HAVCR1: variants seen among roughly 807,000 people sequenced by gnomAD.
HAVCR1 encodes the protein hepatitis A virus cellular receptor 1, also known as T cell immunoglobin domain and mucin domain protein 1.
A neutral mutation model predicts 32.0 loss-of-function variants in HAVCR1; 34 were observed. That is an observed-to-expected ratio of 1.06 (90% CI 0.81 to 1.42). The LOEUF is 1.42. HAVCR1 is among the 40% of genes most tolerant of loss of function. HAVCR1 has a pLI of 0.00. For missense variants in HAVCR1, 420 were observed against 442.3 expected (o/e 0.95, Z 0.45); for synonymous variants, 178 against 170.3 (o/e 1.05, Z -0.35).
upstream of HAVCR1, among the ~76,000 whole-genome samples, chr5:157,060,191 T>A (rs375752865): frequency 7.2e-5 from 11 of 151,892 alleles, no homozygotes; most frequent in Non-Finnish European, 4.4e-5. Context: ...TTCCCCCACT[T>A]ATAACCCTCT....
chr5:157,068,644 T>A, the HAVCR1 span, among the ~76,000 whole-genome samples: 3 of 125,356 alleles, frequency 2.4e-5, no homozygotes, highest in East Asian at 8.7e-4. Context: ...TTATATGGGC[T>A]TTTTTTTTAC....
At chr5:157,059,493 G>A (rs1031974609), upstream of HAVCR1, among the ~76,000 whole-genome samples, 89 of 151,966 alleles carry the variant, frequency 5.9e-4, no homozygotes, top group Admixed American at 3.3e-4. Flanking sequence ...TGGCTAACAC[G>A]GTGAAACCCC....
chr5:157,030,051 A>C (rs1306631826), intron 8 of HAVCR1, among the ~76,000 whole-genome samples: 1 of 152,156 alleles, frequency 6.6e-6, no homozygotes, highest in Non-Finnish European at 1.5e-5. Flanking sequence ...TCTGTTTAAT[A>C]AGCATGTAGA....
the HAVCR1 span, among the ~76,000 whole-genome samples, chr5:157,067,597 G>T: frequency 6.6e-6 from 1 of 152,126 alleles, no homozygotes. Flanking sequence ...ATTGAGCAGG[G>T]GTCAAGGCTG....
intron 2 of HAVCR1, among the ~76,000 whole-genome samples, chr5:157,057,080 G>T (rs554302715): frequency 7.2e-5 from 11 of 151,904 alleles, no homozygotes; most frequent in Non-Finnish European, 1.6e-4. Flanking sequence ...ACTTTGGGAG[G>T]CCGAGGCAGG....
intron 6 of HAVCR1, among the ~76,000 whole-genome samples, chr5:157,038,203 T>C (rs1754652605): frequency 6.6e-6 from 1 of 152,132 alleles, no homozygotes; most frequent in African/African-American, 2.4e-5. Flanking sequence ...TGATTAACAA[T>C]TCAACGCTAT....
intron 3 of HAVCR1, among the ~76,000 whole-genome samples, chr5:157,054,920 C>T (rs532251622): frequency 1.3e-5 from 2 of 152,310 alleles, no homozygotes; most frequent in African/African-American, 4.8e-5. Flanking sequence ...ACTTGAGCAT[C>T]TGCAGATTTT....
chr5:157,054,174 G>A (rs1259653541), intron 3 of HAVCR1, among the ~76,000 whole-genome samples: 1 of 134,828 alleles, frequency 7.4e-6, no homozygotes, highest in African/African-American at 2.9e-5. Flanking sequence ...CTGGGCAACC[G>A]AGTGAGACTC....
chr5:157,039,779 T>G (rs1300663431), intron 6 of HAVCR1, among the ~76,000 whole-genome samples: 1 of 152,230 alleles, frequency 6.6e-6, no homozygotes, highest in Non-Finnish European at 1.5e-5. Flanking sequence ...TCATACATTT[T>G]TATTTATTAG....
intron 7 of HAVCR1, among the ~76,000 whole-genome samples, chr5:157,034,979 T>C (rs1253722887): frequency 6.6e-6 from 1 of 152,006 alleles, no homozygotes; most frequent in African/African-American, 2.4e-5. Flanking sequence ...CTCTCTTTCT[T>C]TTCCCCCACA....
chr5:157,064,932 G>A, the HAVCR1 span, among the ~76,000 whole-genome samples: 482 of 152,266 alleles, frequency 3.2e-3, 3 homozygotes, highest in Non-Finnish European at 2.2e-3. Flanking sequence ...AATATTCAGG[G>A]TTTTAAGTAT....
At chr5:157,040,083 G>A (rs1213915295) in intron 6 of HAVCR1, among the ~76,000 whole-genome samples, 1 of 152,206 alleles carries the variant, frequency 6.6e-6, no homozygotes, top group Non-Finnish European at 1.5e-5. Flanking sequence ...TGGATCACCT[G>A]AGGTCGGGAG....
chr5:157,058,629 T>G (rs1337431566), intron 1 of HAVCR1, among the ~76,000 whole-genome samples: 1 of 152,150 alleles, frequency 6.6e-6, no homozygotes, highest in Admixed American at 6.5e-5. Context: ...CGTGGCTCAA[T>G]GGCAGCACGA....
intron 2 of HAVCR1, among the ~76,000 whole-genome samples, chr5:157,057,410 AG>A (rs1756251309): frequency 1.7e-5 from 2 of 120,250 alleles, no homozygotes; most frequent in African/African-American, 3.0e-5. Context: ...AAAGAAAGAA[AG>A]AAAGAAAGAA....
chr5:157,060,209 C>G (rs1756448245), upstream of HAVCR1, among the ~76,000 whole-genome samples: 1 of 151,640 alleles, frequency 6.6e-6, no homozygotes, highest in Non-Finnish European at 1.5e-5. Flanking sequence ...TCTCATAACT[C>G]TCTCAGAAAA....
At chr5:157,042,092 C>A (rs1754934749) in intron 6 of HAVCR1, among the ~76,000 whole-genome samples, 1 of 150,484 alleles carries the variant, frequency 6.6e-6, no homozygotes, top group Admixed American at 6.7e-5. Context: ...CCCCTATTTT[C>A]TCCCAACAGA....
intron 2 of HAVCR1, 128 bp downstream of exon 2, chr5:157,057,770 T>C (rs1756302146): frequency 1.4e-6 from 1 of 725,236 alleles, no homozygotes; most frequent in South Asian, 1.6e-5. Context: ...CTCATAGCCA[T>C]ACAACGGTAC....
chr5:157,044,464 AAAGAAAGG>A (rs1232716758), intron 5 of HAVCR1, among the ~76,000 whole-genome samples: 25 of 77,294 alleles, frequency 3.2e-4, no homozygotes, highest in African/African-American at 9.4e-4. Flanking sequence ...AGAAAGAAAG[AAAGAAAGG>A]AAGGAAGGAA....
intron 8 of HAVCR1, among the ~76,000 whole-genome samples, chr5:157,030,081 A>C (rs1314589506): frequency 6.6e-6 from 1 of 152,168 alleles, no homozygotes; most frequent in Admixed American, 6.5e-5. Flanking sequence ...AAGTATTCAA[A>C]AACTCAGACT....
Sources: allele counts gnomAD v4.1 joint callset (sites outside exome capture counted in the v4.1 genomes callset), GRCh38; gene constraint gnomAD v4.1.1; transcripts MANE v1.5; gene names NCBI Gene and HGNC (gene_info 2026-07-23, HGNC 2026-07-21).